PHTF1: variants seen among roughly 807,000 people sequenced by gnomAD.
PHTF1 encodes the protein protein PHTF1.
A neutral mutation model predicts 102.4 loss-of-function variants in PHTF1; 88 were observed. The observed-to-expected ratio is 0.86, with a 90% CI of 0.72 to 1.03. The LOEUF (loss-of-function observed/expected upper bound fraction) is 1.03. Among genes scored for constraint, PHTF1 ranks in the 50% least tolerant of loss-of-function variants. The probability of loss-of-function intolerance (pLI) is 0.00; values close to 1 mark genes in which losing one functional copy is unlikely to be tolerated. For synonymous variants in PHTF1, 289 were observed against 305.2 expected, an observed-to-expected ratio of 0.95 and a Z score of 0.55; for missense variants, 814 against 909.5, an observed-to-expected ratio of 0.89 and a Z score of 1.35.
intron 5 of PHTF1, among the ~76,000 whole-genome samples, chr1:113,731,187 T>C (rs1044130882): frequency 2.6e-5 from 4 of 151,784 alleles, no homozygotes; most frequent in African/African-American, 9.7e-5. Flanking sequence ...GTTACCACAA[T>C]AAAAAAAATT....
intron 5 of PHTF1, among the ~76,000 whole-genome samples, chr1:113,729,902 T>C (rs929337621): frequency 6.6e-6 from 1 of 152,206 alleles, no homozygotes; most frequent in African/African-American, 2.4e-5. Context: ...GGAGCTTCCC[T>C]GGGTGGCAAT....
intron 3 of PHTF1, among the ~76,000 whole-genome samples, chr1:113,756,389 A>C (rs1052925593): frequency 6.6e-6 from 1 of 152,204 alleles, no homozygotes; most frequent in Admixed American, 6.5e-5. Flanking sequence ...CCTATTTAAC[A>C]GAACAGATAA....
At chr1:113,747,907 C>A (rs1657470863) in intron 3 of PHTF1, among the ~76,000 whole-genome samples, 1 of 152,204 alleles carries the variant, frequency 6.6e-6, no homozygotes, top group Non-Finnish European at 1.5e-5. Flanking sequence ...ATGCTTAACC[C>A]AAGCTCTAAT....
chr1:113,724,913 T>C lies in PHTF1; in HGVS notation c.489-20A>G, dbSNP rs772788629. On this transcript the variant is annotated intron_variant, in intron 6 of 18. Transcript: ENST00000369604. The stretch of plus-strand genomic sequence containing the variant: ...AATTTTCTACAAAAAAAAATTTCAA[T>C]AACTTCAGATTATTCAAGACCCTTT... 6.4e-7 allele frequency: 1 copy of C among 1,567,450 alleles called. No individual in the cohort carries two copies. Among genetic ancestry groups the C allele is most frequent in the South Asian group, 1.2e-5 (1 of 85,122 alleles).
chr1:113,744,804 C>T (rs906406730), intron 3 of PHTF1, among the ~76,000 whole-genome samples: 3 of 151,938 alleles, frequency 2.0e-5, no homozygotes, highest in Non-Finnish European at 2.9e-5. Context: ...AAAAATTAGC[C>T]GGGAGTAGCT....
chr1:113,727,589 A>G (rs1654035044), intron 5 of PHTF1, among the ~76,000 whole-genome samples: 1 of 152,236 alleles, frequency 6.6e-6, no homozygotes, highest in African/African-American at 2.4e-5. Flanking sequence ...TTGTTGACTC[A>G]AGTGAATTAA....
At chr1:113,708,298 C>G (rs1650515273) in intron 11 of PHTF1, among the ~76,000 whole-genome samples, 1 of 152,116 alleles carries the variant, frequency 6.6e-6, no homozygotes, top group African/African-American at 2.4e-5. Context: ...ATTTAGACAG[C>G]TGAATCAAAA....
chr1:113,699,760 T>C lies in PHTF1; in HGVS notation c.2086A>G (p.Lys696Glu). The C allele has an allele frequency of 6.8e-7, 1 of 1,462,344 alleles. No homozygotes were observed. Among genetic ancestry groups the C allele is most frequent in the Non-Finnish European group, 9.5e-7 (1 of 1,057,440 alleles). The allele number at this position is 1,462,344 out of a possible 1,614,324, so 90.6% of individuals were successfully genotyped here. A position where few individuals can be genotyped will look rare whatever the true frequency, so the allele number is the denominator to read the frequency against. ...TTGTTTACTAGAGTAAGCTGTTCTTTCTTATTTGGCTTTTTTTCCATCTTA... is the reference window on the plus strand; with the variant it reads ...TTGTTTACTAGAGTAAGCTGTTCTTCCTTATTTGGCTTTTTTTCCATCTTA... ...YLKMEKKPNKKEQLTLVNNVL... is the reference protein window; with the variant it reads ...YLKMEKKPNKEEQLTLVNNVL... The change falls in exon 17 of 19, where the codon AAA (lysine) becomes GAA (glutamate). Residue 696 changes from lysine (K) to glutamate (E), a missense_variant. By Grantham distance (56) the Lys-to-Glu change is moderately conservative (BLOSUM62 1). Coordinates refer to ENST00000369604, the MANE Select transcript of PHTF1 (RefSeq NM_001323043.2).
intron 3 of PHTF1, among the ~76,000 whole-genome samples, chr1:113,751,220 A>T (rs1658025088): frequency 6.6e-6 from 1 of 152,228 alleles, no homozygotes; most frequent in African/African-American, 2.4e-5. Context: ...TAATTTTTAA[A>T]GTAGCTTTAT....
At chr1:113,752,799 T>C (rs1186626326) in intron 3 of PHTF1, among the ~76,000 whole-genome samples, 1 of 152,194 alleles carries the variant, frequency 6.6e-6, no homozygotes, top group African/African-American at 2.4e-5. Context: ...TCTTTTCCTT[T>C]GCTTATTACA....
chr1:113,722,749 C>T (rs1407489409), intron 7 of PHTF1, among the ~76,000 whole-genome samples: 1 of 147,428 alleles, frequency 6.8e-6, no homozygotes, highest in African/African-American at 2.5e-5. Flanking sequence ...CCCATCTCTA[C>T]TAAAAATACA....
intron 3 of PHTF1, among the ~76,000 whole-genome samples, chr1:113,739,599 C>A (rs72691806): frequency 0.066 from 10,088 of 152,202 alleles, 472 homozygotes; most frequent in Middle Eastern, 0.15. Context: ...CAAAATCCAC[C>A]CTGCTAGGTA....
chr1:113,732,709 C>G (rs1382538143), intron 5 of PHTF1, among the ~76,000 whole-genome samples: 1 of 152,046 alleles, frequency 6.6e-6, no homozygotes, highest in Non-Finnish European at 1.5e-5. Context: ...AGTCCAGAAA[C>G]AGACCATGGC....
chr1:113,757,129 T>C (rs942832121), intron 3 of PHTF1, among the ~76,000 whole-genome samples: 2 of 152,100 alleles, frequency 1.3e-5, no homozygotes, highest in African/African-American at 2.4e-5. Flanking sequence ...ATCACGCCAC[T>C]GCACTCCAGC....
upstream of PHTF1, among the ~76,000 whole-genome samples, chr1:113,759,710 C>T (rs1659437707): frequency 6.6e-6 from 1 of 152,230 alleles, no homozygotes; most frequent in East Asian, 1.9e-4. Flanking sequence ...GTCACTTCCT[C>T]ACAAACGACT....
chr1:113,754,405 T>C (rs1185586432), intron 3 of PHTF1, among the ~76,000 whole-genome samples: 1 of 149,024 alleles, frequency 6.7e-6, no homozygotes, highest in Admixed American at 6.7e-5. Context: ...GGCCAGACCC[T>C]GTCTCAAAAA....
rs3835263 is a variant in PHTF1, at chr1:113,697,697, T to TA, written c.*7dup. On this transcript the variant is annotated 3_prime_UTR_variant, in exon 19 of 19. Transcript: ENST00000369604. The stretch of plus-strand genomic sequence containing the variant: ...CCAGCCAGGGGAGAGTCCAGGCATT[T>TA]ACTCAGCTTATGATTTAATTTTCCA... The TA allele has an allele frequency of 0.74, 1,179,704 of 1,595,436 alleles. 442,353 individuals carry two copies. The highest frequency in any genetic ancestry group is 0.85 in the African/African-American group (63,378 of 74,606).
rs200691283 is a variant in PHTF1 at position 113,700,953 on chromosome 1, T to C, written c.1891-4A>G. 1.5e-4 allele frequency: 245 copies of C among 1,587,044 alleles called. No individual in the cohort carries two copies. The highest frequency in any genetic ancestry group is 2.0e-4 in the Non-Finnish European group (237 of 1,171,378). ...AAGTTTTATGTCCTTGGAGAACCTATACAAAGGATCAAAAAAAAGTTAAGT... is the reference window on the plus strand; with the variant it reads ...AAGTTTTATGTCCTTGGAGAACCTACACAAAGGATCAAAAAAAAGTTAAGT... On this transcript the variant is annotated splice_polypyrimidine_tract_variant and splice_region_variant and intron_variant, in intron 15 of 18. Coordinates refer to ENST00000369604, the MANE Select transcript of PHTF1 (RefSeq NM_001323043.2).
intron 14 of PHTF1, 80 bp from the exon 15 acceptor site, chr1:113,704,247 G>C (rs1557904605): frequency 1.4e-6 from 1 of 721,668 alleles, no homozygotes; most frequent in South Asian, 2.0e-5. Flanking sequence ...ACTCTGAATT[G>C]TACTACATTC....
Sources: allele counts gnomAD v4.1 joint callset (sites outside exome capture counted in the v4.1 genomes callset), GRCh38; gene constraint gnomAD v4.1.1; transcripts MANE v1.5; gene names NCBI Gene and HGNC (gene_info 2026-07-23, HGNC 2026-07-21).